Variants in TASL observed in about 807,000 individuals in gnomAD.
TASL encodes TLR adaptor interacting with endolysosomal SLC15A4.
In TASL, 6 loss-of-function variants were observed where a neutral mutation model predicts 12.9. The observed-to-expected ratio is 0.46, with a 90% CI of 0.25 to 0.92. TASL has a LOEUF of 0.92. Among genes scored for constraint, TASL ranks in the 40% least tolerant of loss-of-function variants. TASL has a pLI of 0.17. For missense variants in TASL, 165 were observed against 212.8 expected (o/e 0.78, Z 1.40); for synonymous variants, 85 against 79.3 (o/e 1.07, Z -0.38).
chrX:30,571,628 A>C (rs1930627618), intron 2 of TASL, among the ~76,000 whole-genome samples: 1 of 30,092 alleles, frequency 3.3e-5, no homozygotes, highest in African/African-American at 3.8e-4. Flanking sequence ...ACTCCATCTC[A>C]AAAAAAAGGG....
At chrX:30,560,588 C>A (rs1930404706) in intron 2 of TASL, among the ~76,000 whole-genome samples, 1 of 106,599 alleles carries the variant, frequency 9.4e-6, no homozygotes, top group South Asian at 4.2e-4. Context: ...AGGAAAAAAT[C>A]AACTAGATAT....
At position 30,559,081 on chromosome X, in the gene TASL, T is replaced by G. The variant is rs149773306; in HGVS notation, c.*369A>C. 0.013 allele frequency: 1,705 copies of G among 127,648 alleles called. 13 individuals carry two copies. The highest frequency in any genetic ancestry group is 0.02 in the Non-Finnish European group (1,255 of 63,411). The allele number at this position is 127,648 out of a possible 1,213,427, so 10.5% of individuals were successfully genotyped here. On this transcript the variant is annotated 3_prime_UTR_variant, in exon 3 of 3. Transcript: ENST00000378962. The stretch of plus-strand genomic sequence containing the variant: ...ACATCAGCCTCCGAAATGCTGGGAT[T>G]ACAGGCGTGAGCCACTACACCCGGC...
At chrX:30,563,606 T>A (rs142666658) in intron 2 of TASL, among the ~76,000 whole-genome samples, 27 of 111,691 alleles carry the variant, frequency 2.4e-4, no homozygotes, top group African/African-American at 8.8e-4. Context: ...ACACTCCCCA[T>A]CCTTAACCCC....
chrX:30,566,112 G>A (rs371398854), intron 2 of TASL, among the ~76,000 whole-genome samples: 1 of 111,139 alleles, frequency 9.0e-6, no homozygotes, highest in Non-Finnish European at 1.9e-5. Flanking sequence ...CGCCATTATA[G>A]CATACTATGA....
intron 2 of TASL, among the ~76,000 whole-genome samples, chrX:30,569,263 A>G (rs1930552909): frequency 9.0e-6 from 1 of 111,105 alleles, no homozygotes; most frequent in East Asian, 2.8e-4. Context: ...GTAGGAGAAA[A>G]GAAAGAGAAG....
intron 2 of TASL, among the ~76,000 whole-genome samples, chrX:30,565,585 T>C (rs998518804): frequency 4.5e-5 from 5 of 111,454 alleles, no homozygotes; most frequent in Non-Finnish European, 7.5e-5. Flanking sequence ...AGCCAATAGC[T>C]ACATGTAGTT....
intron 2 of TASL, among the ~76,000 whole-genome samples, chrX:30,571,256 GAGAAAGAAAGAAAGAAAGAA>G (rs58163494): frequency 0.12 from 4,296 of 36,611 alleles, 201 homozygotes; most frequent in Middle Eastern, 0.14. Flanking sequence ...GAGAAAGAAA[GAGAAAGAAAGAAAGAAAGAA>G]AGAAAGAAAG....
chrX:30,574,191 A>G (rs1170115086), intron 2 of TASL, among the ~76,000 whole-genome samples: 4 of 110,495 alleles, frequency 3.6e-5, no homozygotes, highest in Non-Finnish European at 7.6e-5. Flanking sequence ...CTGGTTCCCT[A>G]TCCATCCTCT....
chrX:30,559,636 C>A lies in TASL; in HGVS notation c.720G>T (p.Leu240=), dbSNP rs1930387036. The A allele has an allele frequency of 1.7e-6, 2 of 1,208,121 alleles. No homozygotes were observed. Among genetic ancestry groups the A allele is most frequent in the South Asian group, 3.5e-5 (2 of 56,552 alleles). ...VFHDSSPTQI[L]ASELIMTSVD... is the part of the protein sequence containing the mutation. ...CACTTGTCATGATGAGTTCAGACGCCAGAATCTGGGTAGGAGAACTGTCAT... is the reference window on the plus strand; with the variant it reads ...CACTTGTCATGATGAGTTCAGACGCAAGAATCTGGGTAGGAGAACTGTCAT... The change falls in exon 3 of 3, where the codon CTG becomes CTT. Residue 240 remains leucine, a synonymous_variant. Coordinates refer to ENST00000378962, the MANE Select transcript of TASL (RefSeq NM_025159.3).
At chrX:30,574,284 C>G (rs767143002) in intron 2 of TASL, among the ~76,000 whole-genome samples, 50 of 112,310 alleles carry the variant, frequency 4.5e-4, no homozygotes, top group African/African-American at 1.6e-3. Flanking sequence ...ATCATTGAAT[C>G]TGAATTAGAA....
intron 2 of TASL, among the ~76,000 whole-genome samples, chrX:30,570,196 T>G (rs1456760237): frequency 9.6e-6 from 1 of 103,909 alleles, no homozygotes; most frequent in African/African-American, 3.5e-5. Context: ...GTATATATTT[T>G]ATAAAATATA....
At chrX:30,567,289 AAAAAG>A (rs1432793244) in intron 2 of TASL, among the ~76,000 whole-genome samples, 14 of 110,586 alleles carry the variant, frequency 1.3e-4, no homozygotes, top group Admixed American at 2.9e-4. Context: ...AAAAAAAAAA[AAAAAG>A]AAAGAAAGTT....
chrX:30,560,297 C>G lies in TASL; in HGVS notation c.59G>C (p.Cys20Ser). 8.3e-7 allele frequency: 1 copy of G among 1,207,032 alleles called. No individual in the cohort carries two copies. Among genetic ancestry groups the G allele is most frequent in the Non-Finnish European group, 1.1e-6 (1 of 892,372 alleles). Reference sequence around the variant, plus strand: ...AGCCACCTGCTCATTATAAGAGGCACAACTCCAGTGGATGTCATTCCAGTA... The same window carrying G: ...AGCCACCTGCTCATTATAAGAGGCAGAACTCCAGTGGATGTCATTCCAGTA... ...LEYWNDIHWS[C>S]ASYNEQVAGE... The change falls in exon 3 of 3, where the codon TGT becomes TCT. Residue 20 changes from cysteine (C) to serine (S), a missense_variant. Physicochemically the swap from Cys to Ser is moderately radical, Grantham distance 112. Coordinates refer to ENST00000378962, the MANE Select transcript of TASL (RefSeq NM_025159.3).
At chrX:30,571,262 GAAAGAA>G (rs1930599543) in intron 2 of TASL, among the ~76,000 whole-genome samples, 7 of 27,321 alleles carry the variant, frequency 2.6e-4, no homozygotes, top group African/African-American at 5.3e-4. Flanking sequence ...GAAAGAGAAA[GAAAGAA>G]AGAAAGAAAG....
intron 2 of TASL, among the ~76,000 whole-genome samples, chrX:30,572,127 T>G (rs956567137): frequency 4.5e-5 from 5 of 111,938 alleles, no homozygotes; most frequent in African/African-American, 1.6e-4. Context: ...ATAGGCAATT[T>G]TAGCCCACAT....
intron 2 of TASL, among the ~76,000 whole-genome samples, chrX:30,569,996 G>A (rs747940531): frequency 4.1e-5 from 4 of 98,136 alleles, no homozygotes; most frequent in South Asian, 5.7e-4. Context: ...CCAGCCTGGC[G>A]ACAGAGCAAG....
chrX:30,570,368 A>G (rs778719536), intron 2 of TASL, among the ~76,000 whole-genome samples: 373 of 111,461 alleles, frequency 3.3e-3, no homozygotes, highest in African/African-American at 0.011. Flanking sequence ...AGATCTATAA[A>G]ATAGCTAACA....
Position 30,559,211 on chromosome X carries a change from G to T in TASL, c.*239C>A. On this transcript the variant is annotated 3_prime_UTR_variant, in exon 3 of 3. Coordinates refer to ENST00000378962, the MANE Select transcript of TASL (RefSeq NM_025159.3). ...TTCTTTTTTGATCATTTTTATTTTT[G>T]CTTCCTTGCTGTACACACCTCTCTT... is the stretch of plus-strand genomic sequence containing the variant. The T allele has an allele frequency of 1.4e-5, 4 of 279,496 alleles. No individual in the cohort carries two copies. The highest frequency in any genetic ancestry group is 1.2e-4 in the Admixed American group (2 of 16,543). 23.0% of individuals were successfully genotyped at this position (279,496 alleles called of 1,213,427 possible).
Position 30,564,204 on chromosome X carries a change from A to T in TASL, c.-1-3848T>A, listed in dbSNP as rs189660742. 7.1e-5 allele frequency among the ~76,000 whole-genome samples: 8 copies of T among 112,042 alleles called. No individual in the cohort carries two copies. In the Admixed American group the frequency reaches 7.6e-4, roughly 11 times the overall value. Reference sequence around the variant, plus strand: ...GATAATTTTAAACCTCAATGGAAGGATTGAAAAGTAAAGGTGAGGCAAATT... The same window carrying T: ...GATAATTTTAAACCTCAATGGAAGGTTTGAAAAGTAAAGGTGAGGCAAATT... On this transcript the variant is annotated intron_variant, in intron 2 of 2. Coordinates refer to ENST00000378962, the MANE Select transcript of TASL (RefSeq NM_025159.3).
Sources: allele counts gnomAD v4.1 joint callset (sites outside exome capture counted in the v4.1 genomes callset), GRCh38; gene constraint gnomAD v4.1.1; transcripts MANE v1.5; gene names NCBI Gene and HGNC (gene_info 2026-07-23, HGNC 2026-07-21).